OPCML: variants seen among roughly 807,000 people sequenced by gnomAD.
The protein encoded by OPCML is opioid-binding protein/cell adhesion molecule.
OPCML carries 13 observed loss-of-function variants against 37.8 expected under a neutral mutation model. That is an observed-to-expected ratio of 0.34 (90% CI 0.22 to 0.55). The LOEUF (loss-of-function observed/expected upper bound fraction) is 0.55, where lower values mean the gene tolerates loss of function less well. OPCML is among the 20% of genes least tolerant of loss of function. The pLI, the probability that OPCML is intolerant of heterozygous loss-of-function variation, is 0.91. For missense variants in OPCML, 341 were observed against 435.6 expected, an observed-to-expected ratio of 0.78 and a Z score of 1.93; for synonymous variants, 176 against 168.8, an observed-to-expected ratio of 1.04 and a Z score of -0.33.
At chr11:132,449,419 A>G (rs564772343) in intron 4 of OPCML, among the ~76,000 whole-genome samples, 5 of 152,258 alleles carry the variant, frequency 3.3e-5, no homozygotes, top group Non-Finnish European at 7.3e-5. Flanking sequence ...AGATGATTTG[A>G]GGCCCATTTT....
chr11:132,454,244 C>T (rs1245383853), intron 4 of OPCML, among the ~76,000 whole-genome samples: 2 of 152,180 alleles, frequency 1.3e-5, no homozygotes, highest in African/African-American at 4.8e-5. Context: ...TCACCTTTAG[C>T]TTTCGTTGCT....
intron 2 of OPCML, among the ~76,000 whole-genome samples, chr11:132,693,949 G>T (rs1490365473): frequency 6.6e-6 from 1 of 152,010 alleles, no homozygotes; most frequent in African/African-American, 2.4e-5. Context: ...AAACTCAAAT[G>T]ACAAAGAAAC....
intron 1 of OPCML, among the ~76,000 whole-genome samples, chr11:133,476,856 T>A (rs1394554269): frequency 6.6e-6 from 1 of 152,150 alleles, no homozygotes; most frequent in Non-Finnish European, 1.5e-5. Flanking sequence ...TAAAACCTCC[T>A]CCCAGGAACC....
At chr11:133,435,717 C>T (rs1378915867) in intron 1 of OPCML, among the ~76,000 whole-genome samples, 2 of 152,182 alleles carry the variant, frequency 1.3e-5, no homozygotes, top group Non-Finnish European at 2.9e-5. Flanking sequence ...TAACTGATTT[C>T]CATAAATAAT....
intron 2 of OPCML, among the ~76,000 whole-genome samples, chr11:132,683,493 C>A (rs1167926115): frequency 6.6e-6 from 1 of 152,202 alleles, no homozygotes; most frequent in African/African-American, 2.4e-5. Context: ...AATATCAAGA[C>A]CAAATCCTGC....
chr11:132,504,242 A>G (rs12274657), intron 4 of OPCML, among the ~76,000 whole-genome samples: 28,575 of 152,156 alleles, frequency 0.19, 2,784 homozygotes, highest in Non-Finnish European at 0.2. Flanking sequence ...ATTTCAAAGA[A>G]GACAAGAAGT....
chr11:132,448,644 A>G (rs916758247), intron 4 of OPCML, among the ~76,000 whole-genome samples: 2 of 152,206 alleles, frequency 1.3e-5, no homozygotes, highest in Non-Finnish European at 2.9e-5. Flanking sequence ...ACCTCAGACT[A>G]TGATAAGCTG....
chr11:132,943,789 G>C lies in OPCML; in HGVS notation c.62-779C>G, dbSNP rs1163904247. 1 of 150,284 alleles carries C rather than the reference G, an allele frequency of 6.7e-6. No individual in the cohort carries two copies. The allele number at this position is 150,284 out of a possible 1,614,324, so 9.3% of individuals were successfully genotyped here. A position where few individuals can be genotyped will look rare whatever the true frequency, so the allele number is the denominator to read the frequency against. ...GGCGCAGGCTCCGGGCGCACGGGGA[G>C]CTGGGCGGACGGCGGCCCCCGCCTC... On this transcript the variant is annotated intron_variant, in intron 1 of 7. Coordinates refer to ENST00000524381, the MANE Select transcript of OPCML (RefSeq NM_001012393.5). This position sits in a 1 kb window ranked among gnomAD's most constrained non-coding sequence, Gnocchi z 4.3.
intron 7 of OPCML, among the ~76,000 whole-genome samples, chr11:132,421,406 C>G (rs1036964430): frequency 1.3e-5 from 2 of 152,166 alleles, no homozygotes; most frequent in African/African-American, 4.8e-5. Context: ...GCAAATTGGC[C>G]TACTGGAAAT....
In OPCML at chr11:133,206,851, C is replaced by T. The variant is rs920280643; in HGVS notation, c.62-263841G>A. On this transcript the variant is annotated intron_variant, in intron 1 of 7. Coordinates refer to ENST00000524381, the MANE Select transcript of OPCML (RefSeq NM_001012393.5). This position sits in a 1 kb window ranked among gnomAD's most constrained non-coding sequence, Gnocchi z 4.7. ...CACTCTCACGATGTCCACACAGCTACGGTGACCTATTCATGTCTTAGGACG... is the reference window on the plus strand; with the variant it reads ...CACTCTCACGATGTCCACACAGCTATGGTGACCTATTCATGTCTTAGGACG... Among the ~76,000 whole-genome samples, 1 of 152,186 alleles carries T rather than the reference C, an allele frequency of 6.6e-6. No individual in the cohort carries two copies. The highest frequency in any genetic ancestry group is 1.5e-5 in the Non-Finnish European group (1 of 68,042).
intron 3 of OPCML, among the ~76,000 whole-genome samples, chr11:132,598,632 T>C (rs1937618666): frequency 6.6e-6 from 1 of 152,094 alleles, no homozygotes; most frequent in Non-Finnish European, 1.5e-5. Context: ...TGTCAAAAAA[T>C]AGATTTGCAC....
chr11:132,655,949 A>T (rs2135767980), intron 3 of OPCML, among the ~76,000 whole-genome samples: 1 of 152,162 alleles, frequency 6.6e-6, no homozygotes, highest in South Asian at 2.1e-4. Context: ...TAAAAAAAAA[A>T]AAAAAATTCT....
intron 1 of OPCML, among the ~76,000 whole-genome samples, chr11:133,464,063 TCCC>T (rs1946921242): frequency 7.2e-6 from 1 of 138,154 alleles, no homozygotes; most frequent in South Asian, 2.2e-4. Context: ...GGAATATAGA[TCCC>T]AACAGATAAG....
At chr11:133,038,581 T>A (rs1481638061) in intron 1 of OPCML, among the ~76,000 whole-genome samples, 2 of 152,176 alleles carry the variant, frequency 1.3e-5, no homozygotes, top group Admixed American at 1.3e-4. Flanking sequence ...TATTAGAGAA[T>A]GCATAACTTA....
intron 1 of OPCML, among the ~76,000 whole-genome samples, chr11:133,063,979 T>C (rs1371261651): frequency 6.6e-6 from 1 of 152,266 alleles, no homozygotes; most frequent in African/African-American, 2.4e-5. Context: ...CACTTGACTG[T>C]GTCAGTTGCA....
At chr11:133,517,127 T>C (rs1016431719) in intron 1 of OPCML, among the ~76,000 whole-genome samples, 1 of 152,256 alleles carries the variant, frequency 6.6e-6, no homozygotes, top group Non-Finnish European at 1.5e-5. Flanking sequence ...CTCTCTGCAA[T>C]GGTCTCCAAA....
intron 3 of OPCML, 70 bp downstream of exon 3, chr11:132,657,017 C>A: frequency 6.4e-7 from 1 of 1,569,838 alleles, no homozygotes; most frequent in Non-Finnish European, 8.7e-7. Flanking sequence ...ACAGGTAGAA[C>A]AAACACCAAC....
chr11:132,521,697 C>A (rs747454958), intron 4 of OPCML, among the ~76,000 whole-genome samples: 4 of 152,028 alleles, frequency 2.6e-5, no homozygotes, highest in Non-Finnish European at 5.9e-5. Flanking sequence ...ATAGGTGCAG[C>A]AAACCACCAT....
rs1555193922 is a variant in OPCML, at chr11:132,820,097, A to ATGAATGAG, written c.146+122828_146+122829insCTCATTCA. Among the ~76,000 whole-genome samples, 59 of 45,816 alleles carry ATGAATGAG rather than the reference A, an allele frequency of 1.3e-3. No individual in the cohort carries two copies. The South Asian group carries it at 0.031, about 24-fold the overall frequency. 30.1% of individuals were successfully genotyped at this position (45,816 alleles called of 152,430 possible). A position where few individuals can be genotyped will look rare whatever the true frequency, so the allele number is the denominator to read the frequency against. Reference sequence around the variant, plus strand: ...AATGAATGAATGAATGAATGAATGAATGAATGAAAGAAACCAGAAAGGAAG... The same window carrying ATGAATGAG: ...AATGAATGAATGAATGAATGAATGAATGAATGAGTGAATGAAAGAAACCAGAAAGGAAG... On this transcript the variant is annotated intron_variant, in intron 2 of 7. Coordinates refer to ENST00000524381, the MANE Select transcript of OPCML (RefSeq NM_001012393.5).
Sources: gnomAD v4.1 joint callset for allele counts (sites outside exome capture counted in the v4.1 genomes callset) on GRCh38, gnomAD v4.1.1 for gene constraint, Gnocchi (gnomAD v3.1) non-coding constraint, MANE v1.5 for transcripts, NCBI Gene and HGNC (gene_info 2026-07-23, HGNC 2026-07-21) for gene names.